The following RASD2 variants were observed in gnomAD, a reference collection of about 807,000 sequenced individuals.
RASD2 encodes the protein GTP-binding protein Rhes.
A neutral mutation model predicts 15.8 loss-of-function variants in RASD2; 7 were observed. The observed-to-expected ratio is 0.44, with a 90% CI of 0.25 to 0.83. The LOEUF is 0.83. Among genes scored for constraint, RASD2 ranks in the 40% least tolerant of loss-of-function variants. The pLI is 0.20. For missense variants in RASD2, 274 were observed against 382.8 expected (o/e 0.72, Z 2.37); for synonymous variants, 155 against 153.6 (o/e 1.01, Z -0.07).
intron 2 of RASD2, among the ~76,000 whole-genome samples, chr22:35,547,353 A>G (rs1934534681): frequency 6.6e-6 from 1 of 152,228 alleles, no homozygotes. Context: ...CCCCAGGGAT[A>G]TTCCTTTCTA....
chr22:35,540,382 A>C (rs1436460366), upstream of RASD2, among the ~76,000 whole-genome samples: 3 of 149,306 alleles, frequency 2.0e-5, no homozygotes, highest in Non-Finnish European at 4.5e-5. Flanking sequence ...GGCGCCCCGG[A>C]GGCCGCGAAA....
chr22:35,545,413 A>G (rs940372983), intron 1 of RASD2, among the ~76,000 whole-genome samples: 1 of 152,164 alleles, frequency 6.6e-6, no homozygotes, highest in Non-Finnish European at 1.5e-5. Context: ...TGTGAATTTA[A>G]AAACAGTGCC....
Position 35,551,888 on chromosome 22 carries a change from G to A in RASD2, c.657G>A (p.Met219Ile). The change falls in exon 3 of 3, where the codon ATG (methionine) becomes ATA (isoleucine). Residue 219 changes from methionine to isoleucine, a missense_variant. Met to Ile is a conservative substitution (Grantham distance 10, BLOSUM62 1). Transcript: ENST00000216127. The surrounding 1 kb of genome is among the most constrained non-coding windows in gnomAD (Gnocchi z 4.9). ...CCTTCCACCCCAGGCCCTTCTGCATGCGCCGCGTCAAGGAGATGGACGCCT... is the reference window on the plus strand; with the variant it reads ...CCTTCCACCCCAGGCCCTTCTGCATACGCCGCGTCAAGGAGATGGACGCCT... Reference protein sequence around the residue: ...GDAFHPRPFCMRRVKEMDAYG... With the variant: ...GDAFHPRPFCIRRVKEMDAYG... 1 of 1,613,532 alleles carries A rather than the reference G, an allele frequency of 6.2e-7. No individual in the cohort carries two copies. Among genetic ancestry groups the A allele is most frequent in the East Asian group, 2.2e-5 (1 of 44,880 alleles).
upstream of RASD2, among the ~76,000 whole-genome samples, chr22:35,537,947 ATC>A (rs1934266599): frequency 8.5e-6 from 1 of 117,494 alleles, no homozygotes; most frequent in Non-Finnish European, 1.9e-5. Flanking sequence ...TAGACTTTAT[ATC>A]TTTTTTTTTT....
At chr22:35,534,712 T>G in the RASD2 span, among the ~76,000 whole-genome samples, 12 of 152,242 alleles carry the variant, frequency 7.9e-5, no homozygotes, top group Non-Finnish European at 1.3e-4. Context: ...TTGCTTACTG[T>G]GCAAGGGCAC....
chr22:35,545,684 C>T (rs908139464), intron 1 of RASD2, among the ~76,000 whole-genome samples: 2 of 152,130 alleles, frequency 1.3e-5, no homozygotes, highest in Non-Finnish European at 2.9e-5. Context: ...GAGCAGGTGG[C>T]ACTTGAGCCA....
chr22:35,546,762 G>C (rs369002123), intron 1 of RASD2, 39 bp from the exon 2 acceptor site: 15 of 1,588,326 alleles, frequency 9.4e-6, no homozygotes, highest in Non-Finnish European at 1.2e-5. Context: ...GGGCCAGGTC[G>C]GGGGGGCCCT....
chr22:35,537,985 G>A (rs914154225), upstream of RASD2, among the ~76,000 whole-genome samples: 7 of 149,610 alleles, frequency 4.7e-5, no homozygotes, highest in African/African-American at 1.2e-4. Flanking sequence ...TTGCTCCGTC[G>A]CCCAGGCTAG....
chr22:35,546,364 T>C lies in RASD2; in HGVS notation c.-9-437T>C, dbSNP rs1028954986. On this transcript the variant is annotated intron_variant, in intron 1 of 2. Transcript: ENST00000216127. The stretch of plus-strand genomic sequence containing the variant: ...AATCACAGGCTCCGGGAAAGCCAGA[T>C]GGATGAACCAGGGAAAGAACGGATT... Among the ~76,000 whole-genome samples the C allele has an allele frequency of 3.3e-5, 5 of 152,200 alleles. No individual in the cohort carries two copies. The South Asian group carries it at 8.3e-4, about 25-fold the overall frequency.
intron 1 of RASD2, among the ~76,000 whole-genome samples, chr22:35,542,827 C>T (rs889963631): frequency 6.6e-5 from 10 of 152,190 alleles, no homozygotes; most frequent in African/African-American, 2.4e-4. Flanking sequence ...TCCACAGGTG[C>T]ACTTGCTCAG....
intron 2 of RASD2, among the ~76,000 whole-genome samples, chr22:35,547,521 C>G (rs1934538587): frequency 6.6e-6 from 1 of 152,206 alleles, no homozygotes; most frequent in South Asian, 2.1e-4. Flanking sequence ...CAGTGATCAC[C>G]AAAGGGAAGG....
At position 35,541,458 on chromosome 22, in the gene RASD2, CA is replaced by C. The variant is rs1314897184; in HGVS notation, c.-51del. ...CCCCGCAGCTCCCGGCGCTTCCAGGCAGCTCTCTGAGCCGTGCCAGAGGCCC... is the reference window on the plus strand; with the variant it reads ...CCCCGCAGCTCCCGGCGCTTCCAGGCGCTCTCTGAGCCGTGCCAGAGGCCC... On this transcript the variant is annotated 5_prime_UTR_variant, in exon 1 of 3. Transcript: ENST00000216127. 7 of 152,284 alleles carry C rather than the reference CA, an allele frequency of 4.6e-5. No homozygotes were observed. Among genetic ancestry groups the C allele is most frequent in the African/African-American group, 1.2e-4 (5 of 41,462 alleles). The allele number at this position is 152,284 out of a possible 1,614,324, so 9.4% of individuals were successfully genotyped here. A position where few individuals can be genotyped will look rare whatever the true frequency, so the allele number is the denominator to read the frequency against.
chr22:35,544,641 G>A (rs779793704), intron 1 of RASD2, among the ~76,000 whole-genome samples: 2 of 152,256 alleles, frequency 1.3e-5, no homozygotes, highest in Admixed American at 6.5e-5. Flanking sequence ...GGTGGGGGAT[G>A]TGGGGGTCTT....
intron 2 of RASD2, among the ~76,000 whole-genome samples, chr22:35,550,282 T>A (rs542752315): frequency 7.0e-5 from 10 of 143,512 alleles, no homozygotes; most frequent in Admixed American, 6.9e-4. Flanking sequence ...AATAAATAAA[T>A]AAATAAAAAA....
At chr22:35,540,228 G>A (rs543970786), upstream of RASD2, among the ~76,000 whole-genome samples, 11 of 152,172 alleles carry the variant, frequency 7.2e-5, no homozygotes, top group South Asian at 1.0e-3. Context: ...CGGACCCCAT[G>A]CGGGTCACCT....
the RASD2 span, among the ~76,000 whole-genome samples, chr22:35,533,773 TGAC>T: frequency 1.6e-5 from 1 of 62,682 alleles, no homozygotes; most frequent in Admixed American, 1.7e-4. Flanking sequence ...GTGGTGATGA[TGAC>T]GATAGCGATG....
intron 2 of RASD2, among the ~76,000 whole-genome samples, chr22:35,547,676 G>A (rs1273676873): frequency 3.3e-5 from 5 of 152,082 alleles, no homozygotes; most frequent in Admixed American, 6.5e-5. Flanking sequence ...GTGCAGTGGC[G>A]CGATCTCGGC....
upstream of RASD2, among the ~76,000 whole-genome samples, chr22:35,539,486 C>T (rs527456551): frequency 6.6e-6 from 1 of 152,186 alleles, no homozygotes; most frequent in Admixed American, 6.5e-5. Flanking sequence ...TATCACACAA[C>T]GAGAACATTC....
upstream of RASD2, among the ~76,000 whole-genome samples, chr22:35,536,418 A>T (rs2145863738): frequency 6.7e-6 from 1 of 149,918 alleles, no homozygotes; most frequent in East Asian, 2.0e-4. Flanking sequence ...CTCCGCCTCC[A>T]GGGTTCATGC....
Sources: allele counts gnomAD v4.1 joint callset (sites outside exome capture counted in the v4.1 genomes callset), GRCh38; gene constraint gnomAD v4.1.1; non-coding constraint Gnocchi (gnomAD v3.1); transcripts MANE v1.5; gene names NCBI Gene and HGNC (gene_info 2026-07-23, HGNC 2026-07-21).